The following DNAI3 variants were observed in gnomAD, a reference collection of about 807,000 sequenced individuals.
DNAI3 encodes WD repeat domain 63.
A neutral mutation model predicts 115.5 loss-of-function variants in DNAI3; 83 were observed. That is an observed-to-expected ratio of 0.72 (90% CI 0.60 to 0.86). The LOEUF (loss-of-function observed/expected upper bound fraction) is 0.86, where lower values mean the gene tolerates loss of function less well. Among genes scored for constraint, DNAI3 ranks in the 40% least tolerant of loss-of-function variants. DNAI3 has a pLI of 0.00. For synonymous variants in DNAI3, 320 were observed against 347.0 expected, an observed-to-expected ratio of 0.92 and a Z score of 0.86; for missense variants, 1,004 against 1,075.8, an observed-to-expected ratio of 0.93 and a Z score of 0.93.
chr1:85,078,939 A>G (rs1489634572), intron 3 of DNAI3, among the ~76,000 whole-genome samples: 3 of 152,252 alleles, frequency 2.0e-5, no homozygotes, highest in Non-Finnish European at 4.4e-5. Flanking sequence ...AAGCCAGTAG[A>G]ATTCGAAGTG....
chr1:85,073,096 A>G lies in DNAI3; in HGVS notation c.103+4A>G. The G allele has an allele frequency of 6.5e-7, 1 of 1,538,964 alleles. No homozygotes were observed. Among genetic ancestry groups the G allele is most frequent in the Non-Finnish European group, 8.8e-7 (1 of 1,139,324 alleles). On this transcript the variant is annotated splice_donor_region_variant and intron_variant, in intron 3 of 22. Transcript: ENST00000294664. The stretch of plus-strand genomic sequence containing the variant: ...CCAGTAAATATGGAGAGCATGGGTA[A>G]GTGGAAATATAATTTACAACTTACA...
intron 5 of DNAI3, among the ~76,000 whole-genome samples, chr1:85,083,502 T>C (rs1362188355): frequency 1.3e-5 from 2 of 151,718 alleles, no homozygotes; most frequent in East Asian, 3.9e-4. Flanking sequence ...GAAAAAAAAA[T>C]AAAATAAAAG....
Position 85,113,759 on chromosome 1 carries a change from A to G in DNAI3, c.1786+3624A>G, listed in dbSNP as rs148533818. On this transcript the variant is annotated intron_variant, in intron 16 of 22. Coordinates refer to ENST00000294664, the MANE Select transcript of DNAI3 (RefSeq NM_145172.5). ...TGTGATTTTGACTGAGATTGTATTG[A>G]ATCTGTAGGTCAGTATTATGAGAAT... 4.6e-3 allele frequency among the ~76,000 whole-genome samples: 700 copies of G among 152,242 alleles called. 2 individuals are homozygous for G. The highest frequency in any genetic ancestry group is 0.015 in the African/African-American group (643 of 41,542).
chr1:85,131,879 TATAATA>T (rs1656337046), intron 22 of DNAI3, among the ~76,000 whole-genome samples: 3 of 152,312 alleles, frequency 2.0e-5, no homozygotes, highest in South Asian at 4.1e-4. Context: ...ACCTGAATAT[TATAATA>T]ATAATATCTT....
chr1:85,100,188 C>T (rs1406160731), intron 13 of DNAI3, among the ~76,000 whole-genome samples: 2 of 152,090 alleles, frequency 1.3e-5, no homozygotes, highest in African/African-American at 4.8e-5. Context: ...AACAGGCAAC[C>T]TACAAAATGG....
intron 3 of DNAI3, among the ~76,000 whole-genome samples, chr1:85,076,514 A>C (rs1235358888): frequency 6.6e-6 from 1 of 152,208 alleles, no homozygotes; most frequent in Non-Finnish European, 1.5e-5. Flanking sequence ...TTGAAAAAAG[A>C]GGTTTAATTG....
chr1:85,072,443 A>G (rs184954869), intron 2 of DNAI3, among the ~76,000 whole-genome samples: 10 of 151,786 alleles, frequency 6.6e-5, no homozygotes, highest in Admixed American at 1.3e-4. Context: ...GGAGTTCGAG[A>G]CCAGCCTGAC....
chr1:85,120,148 C>T (rs1302200198), intron 17 of DNAI3, among the ~76,000 whole-genome samples: 4 of 152,244 alleles, frequency 2.6e-5, no homozygotes, highest in Non-Finnish European at 5.9e-5. Context: ...TAGCACTGAA[C>T]AAACAGACAA....
chr1:85,082,539 G>A (rs1654665269), intron 5 of DNAI3, 135 bp downstream of exon 5: 1 of 674,174 alleles, frequency 1.5e-6, no homozygotes, highest in Non-Finnish European at 2.5e-6. Context: ...CAATCTCCCA[G>A]GCCCAAGTGA....
chr1:85,098,159 C>T (rs550280808), intron 12 of DNAI3, among the ~76,000 whole-genome samples: 30 of 152,298 alleles, frequency 2.0e-4, no homozygotes, highest in African/African-American at 6.3e-4. Flanking sequence ...TACCTACCCA[C>T]CATATTATGC....
At chr1:85,113,518 A>G (rs1655718992) in intron 16 of DNAI3, among the ~76,000 whole-genome samples, 1 of 152,224 alleles carries the variant, frequency 6.6e-6, no homozygotes, top group African/African-American at 2.4e-5. Flanking sequence ...TTGTCCATAT[A>G]TATGTGAGTC....
intron 3 of DNAI3, among the ~76,000 whole-genome samples, chr1:85,080,683 C>T (rs934720319): frequency 6.6e-6 from 1 of 152,170 alleles, no homozygotes; most frequent in Admixed American, 6.5e-5. Flanking sequence ...TACCTTCCAA[C>T]AAATAATTTC....
At position 85,128,893 on chromosome 1, in the gene DNAI3, T is replaced by C. The variant is rs774678826; in HGVS notation, c.2409+94T>C. 2.7e-6 allele frequency: 3 copies of C among 1,123,156 alleles called. 1 individual carries two copies. The East Asian group carries it at 7.3e-5, about 27-fold the overall frequency. The allele number at this position is 1,123,156 out of a possible 1,614,324, so 69.6% of individuals were successfully genotyped here. ...ATGTTAGAAATGACAGCATTTTTGC[T>C]CTGTAAGGGAACAAAAGACTCATAC... On this transcript the variant is annotated intron_variant, in intron 21 of 22. Transcript: ENST00000294664.
chr1:85,105,528 CA>C (rs755945527), intron 14 of DNAI3, among the ~76,000 whole-genome samples: 4 of 51,724 alleles, frequency 7.7e-5, no homozygotes, highest in South Asian at 7.5e-4. Context: ...AACTCTGTCT[CA>C]AAAAAAAAAA....
In DNAI3 at chr1:85,081,397, A is replaced by C. The variant is rs755679606; in HGVS notation, c.267A>C (p.Pro89=). The change falls in exon 4 of 23, where the codon CCA becomes CCC. Residue 89 remains proline, a synonymous_variant. Transcript: ENST00000294664. ...GAGCTGCAGTATCTGATTTCCACCCAGTCAAAAAAATTGTCCAGGTAAGCA... is the reference window on the plus strand; with the variant it reads ...GAGCTGCAGTATCTGATTTCCACCCCGTCAAAAAAATTGTCCAGGTAAGCA... ...RNRAAVSDFH[P]VKKIVQEYPG... The C allele has an allele frequency of 6.3e-7, 1 of 1,575,910 alleles. No individual in the cohort carries two copies. Among genetic ancestry groups the C allele is most frequent in the Non-Finnish European group, 8.6e-7 (1 of 1,168,632 alleles).
At chr1:85,106,830 C>T (rs1437424252) in intron 14 of DNAI3, among the ~76,000 whole-genome samples, 4 of 152,098 alleles carry the variant, frequency 2.6e-5, no homozygotes, top group Non-Finnish European at 4.4e-5. Context: ...TGGATATCCA[C>T]GTGCAAAATA....
rs1397041471 is a variant in DNAI3, at chr1:85,124,197, CA to C, written c.2059del (p.Ile687LeufsTer18). ...TIQRSPFYND[I>X]ILTVGGWNVA... The stretch of plus-strand genomic sequence containing the variant: ...TTCAGAGATCACCTTTCTACAACGA[CA>C]TTATTCTCACGGTTGGAGGTTGGAA... On this transcript the variant is annotated frameshift_variant, in exon 19 of 23. Coordinates refer to ENST00000294664, the MANE Select transcript of DNAI3 (RefSeq NM_145172.5). LOFTEE classifies it high-confidence loss of function. 2 of 1,614,218 alleles carry C rather than the reference CA, an allele frequency of 1.2e-6. No homozygotes were observed. The highest frequency in any genetic ancestry group is 2.7e-5 in the African/African-American group (2 of 75,046).
chr1:85,099,551 C>G (rs910711830), intron 13 of DNAI3, among the ~76,000 whole-genome samples: 57 of 152,068 alleles, frequency 3.7e-4, no homozygotes, highest in African/African-American at 1.3e-3. Flanking sequence ...GCCATACTGC[C>G]CAAGGTAATT....
At chr1:85,123,219 A>G (rs951675635) in intron 18 of DNAI3, among the ~76,000 whole-genome samples, 1 of 152,090 alleles carries the variant, frequency 6.6e-6, no homozygotes. Flanking sequence ...CAGAACTGCC[A>G]CTGCAGCCTC....
Sources: allele counts gnomAD v4.1 joint callset (sites outside exome capture counted in the v4.1 genomes callset), GRCh38; gene constraint gnomAD v4.1.1; transcripts MANE v1.5; gene names NCBI Gene and HGNC (gene_info 2026-07-23, HGNC 2026-07-21).